Variants in NEGR1 observed in about 807,000 individuals in gnomAD.
The protein encoded by NEGR1 is IgLON family member 4.
NEGR1 carries 10 observed loss-of-function variants against 40.9 expected under a neutral mutation model. That is an observed-to-expected ratio of 0.24 (90% CI 0.15 to 0.42). NEGR1 has a LOEUF of 0.42. Ranked by LOEUF, NEGR1 falls within the 10% of genes least tolerant of loss-of-function variation. NEGR1 has a pLI of 1.00. For missense variants in NEGR1, 352 were observed against 438.9 expected (o/e 0.80, Z 1.77); for synonymous variants, 185 against 166.8 (o/e 1.11, Z -0.84).
At chr1:71,453,004 G>A (rs1049694284) in intron 6 of NEGR1, among the ~76,000 whole-genome samples, 1 of 152,034 alleles carries the variant, frequency 6.6e-6, no homozygotes, top group Admixed American at 6.5e-5. Context: ...ATGACCAAAA[G>A]TATTTCACTA....
chr1:72,070,503 A>T lies in NEGR1; in HGVS notation c.177-135192T>A, dbSNP rs552480112. 3.1e-3 allele frequency among the ~76,000 whole-genome samples: 474 copies of T among 152,162 alleles called. 1 individual carries two copies. Among genetic ancestry groups the T allele is most frequent in the African/African-American group, 0.011 (450 of 41,572 alleles). On this transcript the variant is annotated intron_variant, in intron 1 of 6. Coordinates refer to ENST00000357731, the MANE Select transcript of NEGR1 (RefSeq NM_173808.3). ...CAATTTTATTGCTTCATGTAGTAGA[A>T]GTTTTGGAAATGATAAAAAATAGAG... is the stretch of plus-strand genomic sequence containing the variant.
At chr1:72,021,833 T>G (rs970186416) in intron 1 of NEGR1, among the ~76,000 whole-genome samples, 1 of 152,150 alleles carries the variant, frequency 6.6e-6, no homozygotes, top group Non-Finnish European at 1.5e-5. Flanking sequence ...GTTAAAACTT[T>G]TTCAAAGCGT....
chr1:71,768,580 G>C (rs1410979722), intron 3 of NEGR1, among the ~76,000 whole-genome samples: 1 of 152,176 alleles, frequency 6.6e-6, no homozygotes, highest in Non-Finnish European at 1.5e-5. Flanking sequence ...TCTTGTCTCA[G>C]ATGAAACTTT....
At chr1:71,551,811 C>T (rs779466338) in intron 6 of NEGR1, among the ~76,000 whole-genome samples, 10 of 151,568 alleles carry the variant, frequency 6.6e-5, no homozygotes, top group Non-Finnish European at 1.0e-4. Context: ...TCTGCAATTT[C>T]ATTTAAAGAA....
At chr1:72,139,833 A>G (rs1032193478) in intron 1 of NEGR1, among the ~76,000 whole-genome samples, 7 of 152,056 alleles carry the variant, frequency 4.6e-5, no homozygotes, top group African/African-American at 1.7e-4. Context: ...GTTGTATTAT[A>G]TGTAATATAT....
chr1:71,441,185 A>G (rs578122737), intron 6 of NEGR1, among the ~76,000 whole-genome samples: 88 of 152,344 alleles, frequency 5.8e-4, no homozygotes, highest in South Asian at 1.4e-3. Context: ...CACATAAACA[A>G]TGTGTGAGTG....
At chr1:71,727,088 A>G (rs1365543041) in intron 3 of NEGR1, among the ~76,000 whole-genome samples, 1 of 152,080 alleles carries the variant, frequency 6.6e-6, no homozygotes, top group Non-Finnish European at 1.5e-5. Context: ...GCCCCTTATC[A>G]ATAATCAATA....
At chr1:71,482,133 T>C (rs1206337263) in intron 6 of NEGR1, among the ~76,000 whole-genome samples, 1 of 151,888 alleles carries the variant, frequency 6.6e-6, no homozygotes, top group African/African-American at 2.4e-5. Context: ...TTTAAAGCAC[T>C]GTTAACTCCT....
At chr1:71,655,934 G>T (rs1387173804) in intron 4 of NEGR1, among the ~76,000 whole-genome samples, 1 of 152,154 alleles carries the variant, frequency 6.6e-6, no homozygotes, top group African/African-American at 2.4e-5. Context: ...AAGTGTCATT[G>T]TTATTAGCCA....
chr1:72,124,077 CAT>C (rs1649913364), intron 1 of NEGR1, among the ~76,000 whole-genome samples: 1 of 151,892 alleles, frequency 6.6e-6, no homozygotes, highest in Admixed American at 6.6e-5. Flanking sequence ...GGATTGAAAA[CAT>C]ATTTCTTCCT....
chr1:71,550,885 A>G (rs1398159080), intron 6 of NEGR1, among the ~76,000 whole-genome samples: 1 of 151,612 alleles, frequency 6.6e-6, no homozygotes, highest in Non-Finnish European at 1.5e-5. Context: ...GCTATGAGAT[A>G]AGCCCTACGT....
intron 6 of NEGR1, among the ~76,000 whole-genome samples, chr1:71,524,275 T>C (rs946158186): frequency 4.6e-5 from 7 of 151,424 alleles, no homozygotes; most frequent in African/African-American, 1.2e-4. Context: ...TTGGGATTTA[T>C]ATTTTACATT....
At chr1:71,934,323 A>G (rs1246500856) in intron 2 of NEGR1, among the ~76,000 whole-genome samples, 4 of 152,138 alleles carry the variant, frequency 2.6e-5, no homozygotes, top group Admixed American at 2.0e-4. Context: ...TTTAATATGG[A>G]AGAGAAATAA....
At chr1:72,123,581 A>C (rs560962670) in intron 1 of NEGR1, among the ~76,000 whole-genome samples, 1 of 151,946 alleles carries the variant, frequency 6.6e-6, no homozygotes, top group Non-Finnish European at 1.5e-5. Flanking sequence ...AGAAACATAA[A>C]ATTTTAAAAA....
intron 2 of NEGR1, among the ~76,000 whole-genome samples, chr1:71,895,873 C>G (rs1003222783): frequency 1.3e-5 from 2 of 152,070 alleles, no homozygotes; most frequent in African/African-American, 4.8e-5. Context: ...GCCACATTTT[C>G]TTTCACAAGA....
At chr1:71,830,854 T>C (rs1475091050) in intron 2 of NEGR1, among the ~76,000 whole-genome samples, 2 of 151,830 alleles carry the variant, frequency 1.3e-5, no homozygotes, top group Non-Finnish European at 2.9e-5. Flanking sequence ...TTAGTATTTA[T>C]CACACGCAAT....
chr1:72,216,478 T>G (rs1250092679), intron 1 of NEGR1, among the ~76,000 whole-genome samples: 1 of 148,904 alleles, frequency 6.7e-6, no homozygotes, highest in African/African-American at 2.4e-5. Context: ...TATATTTTCA[T>G]TTATGAATAA....
At chr1:72,155,773 G>C (rs1265535804) in intron 1 of NEGR1, among the ~76,000 whole-genome samples, 5 of 152,006 alleles carry the variant, frequency 3.3e-5, no homozygotes, top group African/African-American at 1.2e-4. Flanking sequence ...CTGCAAAATG[G>C]GGATGACGAC....
chr1:71,451,036 A>G (rs1468678244), intron 6 of NEGR1, among the ~76,000 whole-genome samples: 2 of 152,148 alleles, frequency 1.3e-5, no homozygotes, highest in Non-Finnish European at 2.9e-5. Flanking sequence ...GAGAAAGGTC[A>G]TATTCTAACC....
Sources: gnomAD v4.1 joint callset for allele counts (sites outside exome capture counted in the v4.1 genomes callset) on GRCh38, gnomAD v4.1.1 for gene constraint, MANE v1.5 for transcripts, NCBI Gene and HGNC (gene_info 2026-07-23, HGNC 2026-07-21) for gene names.